CCDC3: variants seen among roughly 807,000 people sequenced by gnomAD.
CCDC3 encodes the protein coiled-coil domain-containing protein 3.
In CCDC3, 24 loss-of-function variants were observed where a neutral mutation model predicts 21.4. That is an observed-to-expected ratio of 1.12 (90% CI 0.81 to 1.58). The LOEUF is 1.58. CCDC3 is among the 40% of genes most tolerant of loss of function. The pLI is 0.00. For synonymous variants in CCDC3, 186 were observed against 166.0 expected (o/e 1.12, Z -0.93); for missense variants, 425 against 360.9 (o/e 1.18, Z -1.44).
At chr10:12,951,617 A>G (rs764286744) in intron 2 of CCDC3, among the ~76,000 whole-genome samples, 4 of 152,040 alleles carry the variant, frequency 2.6e-5, no homozygotes, top group African/African-American at 4.8e-5. Flanking sequence ...CATCCTGGCT[A>G]ACACAGTGAA....
intron 2 of CCDC3, among the ~76,000 whole-genome samples, chr10:12,972,870 G>C (rs758823007): frequency 1.6e-4 from 24 of 152,158 alleles, no homozygotes; most frequent in Non-Finnish European, 2.9e-4. Flanking sequence ...GTTTGGTGTG[G>C]TTTCTCATTC....
chr10:13,036,246 A>T (rs1836376236), intron 5 of CCDC3, among the ~76,000 whole-genome samples: 1 of 152,164 alleles, frequency 6.6e-6, no homozygotes, highest in African/African-American at 2.4e-5. Context: ...GGGATAAGAG[A>T]TGTTGTCCTG....
intron 5 of CCDC3, among the ~76,000 whole-genome samples, chr10:13,029,436 C>G (rs970003819): frequency 6.6e-6 from 1 of 152,134 alleles, no homozygotes; most frequent in Admixed American, 6.6e-5. Flanking sequence ...TCTTCTCCTC[C>G]AAAGGAATGC....
intron 3 of CCDC3, among the ~76,000 whole-genome samples, chr10:13,079,679 A>G (rs1187898178): frequency 3.3e-5 from 5 of 152,192 alleles, no homozygotes; most frequent in Non-Finnish European, 7.4e-5. Context: ...GGAAGATTAA[A>G]CATCACACAA....
At chr10:12,925,931 G>C (rs1834529850) in intron 2 of CCDC3, among the ~76,000 whole-genome samples, 1 of 152,272 alleles carries the variant, frequency 6.6e-6, no homozygotes, top group Non-Finnish European at 1.5e-5. Context: ...AAAAGCTGGG[G>C]TTTGGCACAG....
intron 5 of CCDC3, among the ~76,000 whole-genome samples, chr10:13,029,357 G>A (rs887417604): frequency 2.2e-4 from 34 of 152,254 alleles, no homozygotes; most frequent in Middle Eastern, 6.8e-3. Flanking sequence ...AAGACCAAAG[G>A]TAGATAAAAC....
At chr10:12,918,559 C>CTA (rs1834394698) in intron 2 of CCDC3, among the ~76,000 whole-genome samples, 1 of 152,330 alleles carries the variant, frequency 6.6e-6, no homozygotes, top group Admixed American at 6.5e-5. Context: ...TGCATTTCCC[C>CTA]TTCTTCTCAT....
chr10:12,957,719 C>T (rs974353779), intron 2 of CCDC3, among the ~76,000 whole-genome samples: 1 of 152,226 alleles, frequency 6.6e-6, no homozygotes, highest in East Asian at 1.9e-4. Context: ...GATGAGCCTG[C>T]TGCCCTTTAC....
chr10:12,968,037 C>T (rs968584931), intron 2 of CCDC3, among the ~76,000 whole-genome samples: 3 of 151,842 alleles, frequency 2.0e-5, no homozygotes, highest in Non-Finnish European at 2.9e-5. Context: ...GGTGTGGTGG[C>T]GTGTGCCTGT....
At chr10:13,058,167 A>T in intron 4 of CCDC3, 1 of 1,002,890 alleles carries the variant, frequency 1.0e-6, no homozygotes, top group Middle Eastern at 2.3e-4. Flanking sequence ...GGGATAGACA[A>T]GCCTCCATCC....
At chr10:12,929,159 G>GGCTAAGGCAGGATAATTGCTT (rs1188607243) in intron 2 of CCDC3, among the ~76,000 whole-genome samples, 1 of 151,836 alleles carries the variant, frequency 6.6e-6, no homozygotes, top group African/African-American at 2.4e-5. Context: ...CTACTTGGGA[G>GGCTAAGGCAGGATAATTGCTT]GCTAAGGCAG....
At chr10:13,073,997 G>C (rs1208848097) in exon 4 of CCDC3, 1 of 130,652 alleles carries the variant, frequency 7.7e-6, no homozygotes, top group African/African-American at 2.9e-5. Flanking sequence ...TAAGCACTAA[G>C]TTACAGTCTC....
rs530476395 is a variant in CCDC3, at chr10:12,932,738, C to T, written c.550-34059G>A. On this transcript the variant is annotated intron_variant, in intron 2 of 2. Coordinates refer to ENST00000378825, the MANE Select transcript of CCDC3 (RefSeq NM_031455.4). ...TGACAGAGGACATCCTTGCCTTGTT[C>T]CTGATCTTAGCGGGAAAGCTTTGGG... Among the ~76,000 whole-genome samples the T allele has an allele frequency of 4.9e-4, 75 of 152,158 alleles. 2 individuals are homozygous for T. The South Asian group carries it at 0.016, about 32-fold the overall frequency.
intron 2 of CCDC3, among the ~76,000 whole-genome samples, chr10:12,933,386 T>C (rs1413781197): frequency 6.6e-6 from 1 of 152,214 alleles, no homozygotes; most frequent in Non-Finnish European, 1.5e-5. Flanking sequence ...AAATTGTGCC[T>C]TTTAAAGAAT....
intron 4 of CCDC3, among the ~76,000 whole-genome samples, chr10:13,054,010 TG>T (rs1306751145): frequency 6.6e-6 from 1 of 151,858 alleles, no homozygotes; most frequent in Non-Finnish European, 1.5e-5. Flanking sequence ...GCTGGCATGG[TG>T]GTGCATGCCT....
At chr10:12,939,537 C>G (rs922176875) in intron 2 of CCDC3, among the ~76,000 whole-genome samples, 18 of 152,114 alleles carry the variant, frequency 1.2e-4, no homozygotes, top group African/African-American at 3.9e-4. Context: ...GGGGGATGAT[C>G]GTGGCACTGC....
chr10:12,918,317 T>C (rs962009843), intron 2 of CCDC3, among the ~76,000 whole-genome samples: 1 of 152,228 alleles, frequency 6.6e-6, no homozygotes, highest in African/African-American at 2.4e-5. Context: ...TACAGAAGGA[T>C]TCTATAAAGA....
chr10:13,043,172 G>T (rs556113806), intron 5 of CCDC3, among the ~76,000 whole-genome samples: 1 of 152,248 alleles, frequency 6.6e-6, no homozygotes, highest in African/African-American at 2.4e-5. Flanking sequence ...CTGTCATCCA[G>T]GTAGTAAGCA....
In CCDC3 at chr10:12,934,475, G is replaced by A. The variant is rs569733494; in HGVS notation, c.550-35796C>T. 5.3e-5 allele frequency among the ~76,000 whole-genome samples: 8 copies of A among 152,314 alleles called. No homozygotes were observed. The East Asian group carries it at 1.5e-3, about 29-fold the overall frequency. ...GGCAATTACATCCAGTTGACTGATG[G>A]TGCTTTTGGGTTCAAGTATGTCTTA... On this transcript the variant is annotated intron_variant, in intron 2 of 2. Transcript: ENST00000378825.
Sources: allele counts gnomAD v4.1 joint callset (sites outside exome capture counted in the v4.1 genomes callset), GRCh38; gene constraint gnomAD v4.1.1; transcripts MANE v1.5; gene names NCBI Gene and HGNC (gene_info 2026-07-23, HGNC 2026-07-21).